Variants in PRIM2 observed in about 807,000 individuals in gnomAD.
PRIM2 encodes the protein DNA primase large subunit.
PRIM2 carries 39 observed loss-of-function variants against 67.3 expected under a neutral mutation model. That is an observed-to-expected ratio of 0.58 (90% CI 0.45 to 0.76). PRIM2 has a LOEUF of 0.76. Ranked by LOEUF, PRIM2 falls within the 30% of genes least tolerant of loss-of-function variation. The pLI, the probability that PRIM2 is intolerant of heterozygous loss-of-function variation, is 0.00. For synonymous variants in PRIM2, 143 were observed against 198.7 expected (o/e 0.72, Z 2.36); for missense variants, 398 against 598.7 (o/e 0.66, Z 3.50).
At chr6:57,559,958 T>C (rs1312815453) in intron 10 of PRIM2, among the ~76,000 whole-genome samples, 8 of 152,142 alleles carry the variant, frequency 5.3e-5, no homozygotes, top group African/African-American at 1.7e-4. Flanking sequence ...TTGCTGAAGA[T>C]TGGAGTGGCT....
chr6:57,550,299 T>C (rs1176880953), intron 10 of PRIM2, among the ~76,000 whole-genome samples: 173 of 152,322 alleles, frequency 1.1e-3, no homozygotes, highest in Non-Finnish European at 1.9e-3. Flanking sequence ...GGTTTAATTC[T>C]TCTCTTGATG....
intron 10 of PRIM2, among the ~76,000 whole-genome samples, chr6:57,569,902 C>T: frequency 6.6e-6 from 1 of 152,208 alleles, no homozygotes; most frequent in Non-Finnish European, 1.5e-5. Context: ...TGCCACCACG[C>T]CCAGCTAATT....
chr6:57,269,454 G>A, the PRIM2 span, among the ~76,000 whole-genome samples: 3 of 151,806 alleles, frequency 2.0e-5, no homozygotes, highest in East Asian at 3.9e-4. Flanking sequence ...GTCTGTTCAT[G>A]TCCTTTGCCC....
chr6:57,555,455 T>C (rs1364559543), intron 10 of PRIM2, among the ~76,000 whole-genome samples: 1 of 152,168 alleles, frequency 6.6e-6, no homozygotes. Flanking sequence ...AATTTTTGTA[T>C]TTTTAGTAGA....
chr6:57,487,845 G>A (rs1256991107), intron 7 of PRIM2, among the ~76,000 whole-genome samples: 1 of 152,194 alleles, frequency 6.6e-6, no homozygotes, highest in Non-Finnish European at 1.5e-5. Flanking sequence ...AGTAGTGTTT[G>A]TTACTAGCAG....
intron 10 of PRIM2, among the ~76,000 whole-genome samples, chr6:57,586,107 CTT>C (rs1417991707): frequency 6.6e-6 from 1 of 152,020 alleles, no homozygotes; most frequent in African/African-American, 2.4e-5. Flanking sequence ...TTAGAGATAA[CTT>C]TAAAAAAGGA....
At chr6:57,257,537 C>T in the PRIM2 span, among the ~76,000 whole-genome samples, 1 of 152,176 alleles carries the variant, frequency 6.6e-6, no homozygotes, top group Non-Finnish European at 1.5e-5. Flanking sequence ...TCCCAAAGTG[C>T]TGGGATTACA....
chr6:57,516,914 A>C, intron 8 of PRIM2, among the ~76,000 whole-genome samples: 1 of 152,294 alleles, frequency 6.6e-6, no homozygotes, highest in Admixed American at 6.5e-5. Context: ...TAGTGGAGGT[A>C]TGTGATTATA....
intron 7 of PRIM2, among the ~76,000 whole-genome samples, chr6:57,452,291 A>G (rs1312222971): frequency 1.3e-5 from 2 of 152,170 alleles, no homozygotes; most frequent in African/African-American, 4.8e-5. Flanking sequence ...TCCTTTGGGT[A>G]TATACCCAGT....
chr6:57,264,739 G>C, the PRIM2 span, among the ~76,000 whole-genome samples: 1 of 151,790 alleles, frequency 6.6e-6, no homozygotes, highest in Admixed American at 6.6e-5. Context: ...TGGGACTACA[G>C]GTGCGCCCCA....
At chr6:57,295,292 T>C in the PRIM2 span, among the ~76,000 whole-genome samples, 3 of 152,126 alleles carry the variant, frequency 2.0e-5, no homozygotes, top group Non-Finnish European at 4.4e-5. Context: ...ACATATTAAA[T>C]ACTTCTACAT....
the PRIM2 span, among the ~76,000 whole-genome samples, chr6:57,267,117 G>A: frequency 6.6e-6 from 1 of 152,226 alleles, no homozygotes; most frequent in Non-Finnish European, 1.5e-5. Context: ...CATGCAAAGT[G>A]AAGCACAGAA....
At chr6:57,333,460 G>T (rs1192885121) in intron 5 of PRIM2, among the ~76,000 whole-genome samples, 1 of 152,126 alleles carries the variant, frequency 6.6e-6, no homozygotes, top group Admixed American at 6.5e-5. Context: ...ACTCTCTTGT[G>T]TAGTGAACTT....
chr6:57,231,829 T>C, the PRIM2 span, among the ~76,000 whole-genome samples: 7 of 139,406 alleles, frequency 5.0e-5, no homozygotes, highest in Non-Finnish European at 6.2e-5. Context: ...AAAATATTAG[T>C]ATATTCCAGG....
At chr6:57,521,903 C>T (rs1347143367) in intron 8 of PRIM2, among the ~76,000 whole-genome samples, 2 of 151,690 alleles carry the variant, frequency 1.3e-5, no homozygotes, top group Non-Finnish European at 2.9e-5. Flanking sequence ...ATTCTTTACA[C>T]TCTGGCTTAG....
At chr6:57,471,849 A>G (rs1233669005) in intron 7 of PRIM2, among the ~76,000 whole-genome samples, 1 of 152,248 alleles carries the variant, frequency 6.6e-6, no homozygotes, top group East Asian at 1.9e-4. Context: ...TATTAAATAC[A>G]TGAAAAGTTG....
At chr6:57,420,614 T>C (rs1771432305) in intron 7 of PRIM2, among the ~76,000 whole-genome samples, 1 of 152,228 alleles carries the variant, frequency 6.6e-6, no homozygotes, top group Non-Finnish European at 1.5e-5. Context: ...CTAACAATCT[T>C]AGCTGGTCCT....
intron 7 of PRIM2, among the ~76,000 whole-genome samples, chr6:57,467,199 A>T (rs1773225475): frequency 6.6e-6 from 1 of 150,702 alleles, no homozygotes; most frequent in African/African-American, 2.4e-5. Context: ...GTCTTTGCCC[A>T]TCATGCCTAT....
At chr6:57,566,290 T>A (rs1775738882) in intron 10 of PRIM2, among the ~76,000 whole-genome samples, 1 of 152,084 alleles carries the variant, frequency 6.6e-6, no homozygotes, top group Admixed American at 6.6e-5. Context: ...TTATGTCACA[T>A]AGGAAGCATA....
Sources: allele counts gnomAD v4.1 joint callset (sites outside exome capture counted in the v4.1 genomes callset), GRCh38; gene constraint gnomAD v4.1.1; transcripts MANE v1.5; gene names NCBI Gene and HGNC (gene_info 2026-07-23, HGNC 2026-07-21).